Variants in CSMD1 observed in about 807,000 individuals in gnomAD.
CSMD1 encodes the protein CUB and sushi domain-containing protein 1.
A neutral mutation model predicts 417.5 loss-of-function variants in CSMD1; 213 were observed. The observed-to-expected ratio is 0.51, with a 90% confidence interval of 0.46 to 0.57. The LOEUF (loss-of-function observed/expected upper bound fraction) is 0.57. Ranked by LOEUF, CSMD1 falls within the 20% of genes least tolerant of loss-of-function variation. The pLI is 0.00. For synonymous variants in CSMD1, 2,862 were observed against 1,736.8 expected, an observed-to-expected ratio of 1.65 and a Z score of -16.11; for missense variants, 6,923 against 4,529.7, an observed-to-expected ratio of 1.53 and a Z score of -15.17.
intron 1 of CSMD1, among the ~76,000 whole-genome samples, chr8:4,872,163 A>G (rs1056421195): frequency 1.1e-4 from 16 of 152,134 alleles, no homozygotes; most frequent in African/African-American, 2.2e-4. Flanking sequence ...AATGAATGCA[A>G]ACTAAGGCAC....
rs557507307 is a variant in CSMD1, at chr8:3,747,479, T to A, written c.931+6451A>T. On this transcript the variant is annotated intron_variant, in intron 6 of 69. Coordinates refer to ENST00000635120, the MANE Select transcript of CSMD1 (RefSeq NM_033225.6). ...GCTTTGCAAATTCCTGTTTTTCATA[T>A]AAACAAATCATACGTTTGTTTTTTT... is the stretch of plus-strand genomic sequence containing the variant. 2.2e-3 allele frequency among the ~76,000 whole-genome samples: 327 copies of A among 148,436 alleles called. 2 individuals are homozygous for A. The highest frequency in any genetic ancestry group is 7.5e-3 in the African/African-American group (305 of 40,566).
chr8:4,382,994 C>G (rs1803203127), intron 3 of CSMD1, among the ~76,000 whole-genome samples: 1 of 152,196 alleles, frequency 6.6e-6, no homozygotes, highest in South Asian at 2.1e-4. Context: ...GCACCATCGT[C>G]TGTATATCAG....
chr8:4,748,487 C>A (rs980582040), intron 1 of CSMD1, among the ~76,000 whole-genome samples: 1 of 152,126 alleles, frequency 6.6e-6, no homozygotes, highest in Non-Finnish European at 1.5e-5. Context: ...GCTGGCTGTG[C>A]GTCAGTTCCC....
intron 5 of CSMD1, among the ~76,000 whole-genome samples, chr8:3,773,771 C>G (rs1269400658): frequency 6.6e-6 from 1 of 152,292 alleles, no homozygotes; most frequent in East Asian, 1.9e-4. Flanking sequence ...GAATAAATAT[C>G]CAGAATAAAT....
chr8:4,649,227 C>G (rs1029398333), intron 1 of CSMD1, among the ~76,000 whole-genome samples: 7 of 152,144 alleles, frequency 4.6e-5, no homozygotes, highest in African/African-American at 1.7e-4. Flanking sequence ...AAGCACAGTG[C>G]CCAGTGCACA....
intron 49 of CSMD1, among the ~76,000 whole-genome samples, chr8:3,077,883 C>G (rs1813801826): frequency 6.6e-6 from 1 of 152,228 alleles, no homozygotes; most frequent in Non-Finnish European, 1.5e-5. Context: ...CTTTACTCCT[C>G]TTTGCCTTTT....
At chr8:3,724,379 T>C (rs1230563819) in intron 6 of CSMD1, among the ~76,000 whole-genome samples, 2 of 152,190 alleles carry the variant, frequency 1.3e-5, no homozygotes, top group Non-Finnish European at 2.9e-5. Context: ...TTTTCATAAA[T>C]ATATATGTTA....
chr8:3,636,065 T>C, intron 7 of CSMD1, among the ~76,000 whole-genome samples: 1 of 130,490 alleles, frequency 7.7e-6, no homozygotes, highest in Non-Finnish European at 1.7e-5. Context: ...ATAAGCTTTT[T>C]CTATTTTATT....
In CSMD1 at chr8:3,181,132, A is replaced by G. The variant is rs771823696; in HGVS notation, c.5703T>C (p.Ala1901=). 61 of 1,613,574 alleles carry G rather than the reference A, an allele frequency of 3.8e-5. No homozygotes were observed. In the African/African-American group the frequency reaches 7.1e-4, roughly 19 times the overall value. Residue 1901 remains alanine, a synonymous_variant, in exon 37 of 70, where the codon GCT becomes GCC. Coordinates refer to ENST00000635120, the MANE Select transcript of CSMD1 (RefSeq NM_033225.6). Reference sequence around the variant, plus strand: ...TACTTTTGTATTCCAGGTGGAAACCAGCAGCTGCCACACTAATGTCAGACT... The same window carrying G: ...TACTTTTGTATTCCAGGTGGAAACCGGCAGCTGCCACACTAATGTCAGACT... ...HFQSDISVAA[A]GFHLEYKTVG...
chr8:3,843,240 T>C (rs534906787), intron 5 of CSMD1, among the ~76,000 whole-genome samples: 40 of 152,322 alleles, frequency 2.6e-4, no homozygotes, highest in African/African-American at 7.0e-4. Flanking sequence ...CACAAAATCA[T>C]CTGCTGATAA....
At chr8:4,058,518 C>T (rs1380100917) in intron 3 of CSMD1, among the ~76,000 whole-genome samples, 1 of 152,034 alleles carries the variant, frequency 6.6e-6, no homozygotes, top group Non-Finnish European at 1.5e-5. Context: ...TAACTGAATA[C>T]CCTTTATTTC....
chr8:4,274,400 G>C (rs1056717515), intron 3 of CSMD1, among the ~76,000 whole-genome samples: 1 of 152,006 alleles, frequency 6.6e-6, no homozygotes, highest in African/African-American at 2.4e-5. Context: ...CACTATCAAC[G>C]TGCTCAAAAT....
At chr8:3,509,315 T>C (rs1796965146) in intron 10 of CSMD1, among the ~76,000 whole-genome samples, 1 of 152,216 alleles carries the variant, frequency 6.6e-6, no homozygotes, top group South Asian at 2.1e-4. Flanking sequence ...CCACCCATAG[T>C]TATAGTAAAT....
intron 1 of CSMD1, among the ~76,000 whole-genome samples, chr8:4,986,103 G>T (rs959323483): frequency 6.6e-6 from 1 of 152,168 alleles, no homozygotes; most frequent in Non-Finnish European, 1.5e-5. Flanking sequence ...GAAATGTGGT[G>T]ACTAAAATTG....
intron 41 of CSMD1, among the ~76,000 whole-genome samples, chr8:3,124,103 C>A (rs1440739253): frequency 6.6e-6 from 1 of 150,926 alleles, no homozygotes; most frequent in East Asian, 1.9e-4. Flanking sequence ...GTTTTTTTTT[C>A]TTTTCTCAAT....
intron 55 of CSMD1, among the ~76,000 whole-genome samples, chr8:2,977,512 C>A (rs1805028432): frequency 6.6e-6 from 1 of 152,184 alleles, no homozygotes; most frequent in Non-Finnish European, 1.5e-5. Context: ...CTGATGGGCA[C>A]TTGGGTTGAT....
At chr8:3,146,816 T>C (rs568123492) in intron 40 of CSMD1, among the ~76,000 whole-genome samples, 1 of 152,336 alleles carries the variant, frequency 6.6e-6, no homozygotes, top group Non-Finnish European at 1.5e-5. Context: ...ATTTAAATTG[T>C]GGCTCGATCC....
chr8:4,705,156 C>A (rs1807844787), intron 1 of CSMD1, among the ~76,000 whole-genome samples: 2 of 152,074 alleles, frequency 1.3e-5, no homozygotes, highest in African/African-American at 2.4e-5. Context: ...TTCCTCCTTC[C>A]CCTTCACCAT....
At chr8:4,264,592 G>T (rs777293211) in intron 3 of CSMD1, among the ~76,000 whole-genome samples, 1 of 152,086 alleles carries the variant, frequency 6.6e-6, no homozygotes, top group Non-Finnish European at 1.5e-5. Context: ...TGGTTCCTCG[G>T]CGTTCTAGGG....
Sources: allele counts gnomAD v4.1 joint callset (sites outside exome capture counted in the v4.1 genomes callset), GRCh38; gene constraint gnomAD v4.1.1; transcripts MANE v1.5; gene names NCBI Gene and HGNC (gene_info 2026-07-23, HGNC 2026-07-21).